The following CHMP3 variants were observed in gnomAD, a reference collection of about 807,000 sequenced individuals.
CHMP3 encodes the protein charged multivesicular body protein 3, also known as 25.1 protein.
Under a neutral mutation model 27.4 loss-of-function variants are expected in CHMP3, and 8 were observed. The ratio of observed to expected loss-of-function variants is 0.29; its 90% CI spans 0.17 to 0.53. The LOEUF is 0.53. Among genes scored for constraint, CHMP3 ranks in the 20% least tolerant of loss-of-function variants. CHMP3 has a pLI of 0.96. For synonymous variants in CHMP3, 86 were observed against 85.5 expected, an observed-to-expected ratio of 1.01 and a Z score of -0.03; for missense variants, 208 against 271.5, an observed-to-expected ratio of 0.77 and a Z score of 1.64.
chr2:86,504,035 G>A lies in CHMP3; in HGVS notation c.*1769C>T, dbSNP rs1469337554. On this transcript the variant is annotated 3_prime_UTR_variant, in exon 6 of 6. Coordinates refer to ENST00000263856, the MANE Select transcript of CHMP3 (RefSeq NM_016079.4). ...TCTGTATAACAAACCCCCTTGTCACGAGTTTACCTGCACATGTACCCCCTG... is the reference window on the plus strand; with the variant it reads ...TCTGTATAACAAACCCCCTTGTCACAAGTTTACCTGCACATGTACCCCCTG... 6.6e-6 allele frequency: 1 copy of A among 152,170 alleles called. No individual in the cohort carries two copies. The highest frequency in any genetic ancestry group is 1.5e-5 in the Non-Finnish European group (1 of 68,038). The allele number at this position is 152,170 out of a possible 1,614,324, so 9.4% of individuals were successfully genotyped here. A position where few individuals can be genotyped will look rare whatever the true frequency, so the allele number is the denominator to read the frequency against.
chr2:86,554,916 G>A (rs1215818765), intron 1 of CHMP3, among the ~76,000 whole-genome samples: 3 of 150,096 alleles, frequency 2.0e-5, no homozygotes, highest in African/African-American at 7.4e-5. Flanking sequence ...GGGTGATCTC[G>A]GCTCACTGCG....
Position 86,521,345 on chromosome 2 carries a change from C to T in CHMP3, c.286+7873G>A, listed in dbSNP as rs371854462. Among the ~76,000 whole-genome samples the T allele has an allele frequency of 3.3e-4, 50 of 152,268 alleles. No individual in the cohort carries two copies. In the South Asian group the frequency reaches 7.5e-3, roughly 23 times the overall value. On this transcript the variant is annotated intron_variant, in intron 3 of 5. Transcript: ENST00000263856. ...TGCATCTCTGCCACTCAGAATCCCA[C>T]GATAGCTCAGCACTCACACCTACCC...
chr2:86,512,099 G>A (rs1675127678), intron 3 of CHMP3: 1 of 152,212 alleles, frequency 6.6e-6, no homozygotes, highest in Non-Finnish European at 1.5e-5. Flanking sequence ...TTGTACACTT[G>A]AAACTCAAGA....
At chr2:86,529,481 A>C in intron 2 of CHMP3, 84 bp from the exon 3 acceptor site, 1 of 1,277,470 alleles carries the variant, frequency 7.8e-7, no homozygotes, top group Non-Finnish European at 1.0e-6. Flanking sequence ...ATCTAAATGT[A>C]TCTATTAAAT....
chr2:86,560,261 CAA>C (rs569981527), intron 1 of CHMP3, among the ~76,000 whole-genome samples: 1 of 142,704 alleles, frequency 7.0e-6, no homozygotes. Flanking sequence ...GACTCCATCT[CAA>C]AAAAAAAAAA....
In CHMP3 at chr2:86,557,939, C is replaced by T. The variant is rs963844839; in HGVS notation, c.45+5365G>A. Among the ~76,000 whole-genome samples, 6 of 152,296 alleles carry T rather than the reference C, an allele frequency of 3.9e-5. No homozygotes were observed. The South Asian group carries it at 8.3e-4, about 21-fold the overall frequency. ...TTTTGTAAGCCTTATTCCAATCCAA[C>T]GCACACCAAAATCACTCGATATTTG... On this transcript the variant is annotated intron_variant, in intron 1 of 5. Coordinates refer to ENST00000263856, the MANE Select transcript of CHMP3 (RefSeq NM_016079.4).
Position 86,505,867 on chromosome 2 carries a change from A to T in CHMP3, c.606T>A (p.Asp202Glu). 1 of 1,603,920 alleles carries T rather than the reference A, an allele frequency of 6.2e-7. No homozygotes were observed. The highest frequency in any genetic ancestry group is 8.5e-7 in the Non-Finnish European group (1 of 1,175,020). Residue 202 changes from aspartate to glutamate, a missense_variant, in exon 6 of 6, where the codon GAT (aspartate) becomes GAA (glutamate). Around this residue, in one of 3 missense-constraint regions of CHMP3, gnomAD observed 62 missense variants for 68.4 expected, o/e 0.91. Transcript: ENST00000263856. ...CCAGAGCCTCTTCCTCCTCCTCCTCATCCTCTGAGGCAGCCATCGCTCCTG... is the reference window on the plus strand; with the variant it reads ...CCAGAGCCTCTTCCTCCTCCTCCTCTTCCTCTGAGGCAGCCATCGCTCCTG... ...EPPGAMAASE[D>E]EEEEEEALEA...
intron 1 of CHMP3, among the ~76,000 whole-genome samples, chr2:86,550,426 G>A (rs940848632): frequency 4.0e-5 from 6 of 151,576 alleles, no homozygotes; most frequent in African/African-American, 1.5e-4. Context: ...GGGAGAGGGA[G>A]AAAGGGAGAG....
At chr2:86,517,792 AC>A (rs1675375189) in intron 3 of CHMP3, among the ~76,000 whole-genome samples, 1 of 152,040 alleles carries the variant, frequency 6.6e-6, no homozygotes, top group African/African-American at 2.4e-5. Flanking sequence ...ACTTTGAGAG[AC>A]CCAGGCAAGC....
intron 5 of CHMP3, 131 bp from the exon 6 acceptor site, chr2:86,506,080 G>C (rs1463061139): frequency 8.9e-7 from 1 of 1,123,108 alleles, no homozygotes; most frequent in African/African-American, 1.6e-5. Flanking sequence ...TGTTTTTGGG[G>C]GGGTTTACTC....
rs1243048961 is a variant in CHMP3, at chr2:86,507,712, C to T, written c.409-119G>A. ...CAGTCTATCCTTTCAAGAGCTGACA[C>T]ACGAGACAGCTGGCCAAAGGAAACA... On this transcript the variant is annotated intron_variant, in intron 4 of 5. Transcript: ENST00000263856. 3.8e-6 allele frequency: 3 copies of T among 792,262 alleles called. No homozygotes were observed. In the South Asian group the frequency reaches 4.9e-5, roughly 13 times the overall value. 49.1% of individuals were successfully genotyped at this position (792,262 alleles called of 1,614,324 possible).
At chr2:86,537,394 C>T (rs1262344357) in intron 2 of CHMP3, among the ~76,000 whole-genome samples, 3 of 152,146 alleles carry the variant, frequency 2.0e-5, no homozygotes, top group South Asian at 4.1e-4. Context: ...ACTTAATCCA[C>T]CTTTTCCTTT....
intron 3 of CHMP3, chr2:86,511,842 TAA>T (rs1400145219): frequency 1.3e-5 from 2 of 152,124 alleles, no homozygotes; most frequent in African/African-American, 4.8e-5. Context: ...TGAAAATAAG[TAA>T]ACAGATGGGA....
rs756445800 is a variant in CHMP3 at position 86,563,282 on chromosome 2, C to G, written c.45+22G>C. ...GCCCCACACAGATCCACCCGCTTAT[C>G]TGCCGCCGCCGTAGCCCTTACCAGT... On this transcript the variant is annotated intron_variant, in intron 1 of 5. Coordinates refer to ENST00000263856, the MANE Select transcript of CHMP3 (RefSeq NM_016079.4). 1.3e-5 allele frequency: 21 copies of G among 1,613,740 alleles called. No homozygotes were observed. The South Asian group carries it at 2.2e-4, about 17-fold the overall frequency.
At chr2:86,553,624 C>T (rs1011385357) in intron 1 of CHMP3, among the ~76,000 whole-genome samples, 1 of 152,186 alleles carries the variant, frequency 6.6e-6, no homozygotes, top group Non-Finnish European at 1.5e-5. Flanking sequence ...GCCACCGCGC[C>T]CGACCCCAAA....
chr2:86,535,994 CTT>C (rs60555193), intron 2 of CHMP3, among the ~76,000 whole-genome samples: 5 of 111,540 alleles, frequency 4.5e-5, no homozygotes, highest in East Asian at 2.7e-4. Context: ...ATAAACCTTT[CTT>C]TTTTTTTTTT....
chr2:86,548,668 C>T (rs1389576858), intron 1 of CHMP3, among the ~76,000 whole-genome samples: 3 of 152,194 alleles, frequency 2.0e-5, no homozygotes, highest in African/African-American at 2.4e-5. Flanking sequence ...AAACCGCCAT[C>T]GTCATCATGG....
At chr2:86,529,826 A>G (rs1675844874) in intron 2 of CHMP3, among the ~76,000 whole-genome samples, 1 of 152,152 alleles carries the variant, frequency 6.6e-6, no homozygotes, top group Admixed American at 6.5e-5. Flanking sequence ...AAGGTAAGAT[A>G]AGTCTTTATT....
chr2:86,508,259 C>T (rs1366021292), intron 4 of CHMP3, among the ~76,000 whole-genome samples: 1 of 152,178 alleles, frequency 6.6e-6, no homozygotes, highest in Non-Finnish European at 1.5e-5. Flanking sequence ...AGCCAGTCAG[C>T]CTCCTCTGTT....
Sources: allele counts gnomAD v4.1 joint callset (sites outside exome capture counted in the v4.1 genomes callset), GRCh38; gene constraint gnomAD v4.1.1; regional missense constraint gnomAD v4.1.1; transcripts MANE v1.5; gene names NCBI Gene and HGNC (gene_info 2026-07-23, HGNC 2026-07-21).